The following RALGDS variants were observed in gnomAD, a reference collection of about 807,000 sequenced individuals.
RALGDS encodes the protein ral guanine nucleotide dissociation stimulator, also known as ral guanine nucleotide exchange factor.
Under a neutral mutation model 99.8 loss-of-function variants are expected in RALGDS, and 44 were observed. The ratio of observed to expected loss-of-function variants is 0.44; its 90% confidence interval spans 0.35 to 0.57. RALGDS has a LOEUF of 0.57. RALGDS is among the 20% of genes least tolerant of loss of function. RALGDS has a pLI of 0.01. For synonymous variants in RALGDS, 529 were observed against 505.0 expected, an observed-to-expected ratio of 1.05 and a Z score of -0.64; for missense variants, 1,022 against 1,203.1, an observed-to-expected ratio of 0.85 and a Z score of 2.23.
chr9:133,143,771 T>TAATAATAATAATAATAACAAC (rs1554745676), intron 1 of RALGDS, among the ~76,000 whole-genome samples: 1 of 111,624 alleles, frequency 9.0e-6, no homozygotes, highest in Admixed American at 9.7e-5. Context: ...ATAATAATAA[T>TAATAATAATAATAATAACAAC]AACAACAACA....
chr9:133,148,888 C>A, intron 1 of RALGDS: 1 of 1,545,512 alleles, frequency 6.5e-7, no homozygotes, highest in Non-Finnish European at 8.8e-7. Flanking sequence ...GGCTCCCTCC[C>A]CCCGGTGGGT....
At chr9:133,130,779 G>T (rs1004466334) in intron 1 of RALGDS, among the ~76,000 whole-genome samples, 1 of 152,214 alleles carries the variant, frequency 6.6e-6, no homozygotes, top group African/African-American at 2.4e-5. Context: ...GCCCCAGAGA[G>T]AGCAGGGACT....
intron 1 of RALGDS, among the ~76,000 whole-genome samples, chr9:133,112,846 G>A (rs1831418483): frequency 6.6e-6 from 1 of 152,180 alleles, no homozygotes; most frequent in African/African-American, 2.4e-5. Flanking sequence ...TTGGGCAATG[G>A]GAGTTCCCAG....
At chr9:133,098,881 A>C in intron 17 of RALGDS, 119 bp from the exon 18 acceptor site, 1 of 969,058 alleles carries the variant, frequency 1.0e-6, no homozygotes, top group Non-Finnish European at 1.6e-6. Flanking sequence ...ATCCCCTCCA[A>C]TACAGCTCCA....
rs964218118 is a variant in RALGDS, at chr9:133,120,944, C to T, written c.183+28G>A. 22 of 1,473,398 alleles carry T rather than the reference C, an allele frequency of 1.5e-5. No homozygotes were observed. The African/African-American group carries it at 1.9e-4, about 13-fold the overall frequency. The allele number at this position is 1,473,398 out of a possible 1,614,324, so 91.3% of individuals were successfully genotyped here. On this transcript the variant is annotated intron_variant, in intron 1 of 17. Transcript: ENST00000372050. ...GCGGGTGGGGAGGCTCCGACGCACC[C>T]CCCGCCCGACCGCCCCAGCTCACCC...
intron 1 of RALGDS, among the ~76,000 whole-genome samples, chr9:133,113,557 A>G (rs1345118930): frequency 6.6e-6 from 1 of 151,770 alleles, no homozygotes; most frequent in African/African-American, 2.4e-5. Context: ...TCACACCCAC[A>G]CCCCACAAAC....
rs559373206 is a variant in RALGDS, at chr9:133,100,392, G to A, written c.2455-10C>T. 12 of 1,613,806 alleles carry A rather than the reference G, an allele frequency of 7.4e-6. No individual in the cohort carries two copies. Among genetic ancestry groups the A allele is most frequent in the East Asian group, 4.5e-5 (2 of 44,882 alleles). ...TATCTTGGCTGGTCACCTGCATCGCGGCGGGGGATGGACCATCAGGGAAAA... is the reference window on the plus strand; with the variant it reads ...TATCTTGGCTGGTCACCTGCATCGCAGCGGGGGATGGACCATCAGGGAAAA... On this transcript the variant is annotated splice_polypyrimidine_tract_variant and intron_variant, in intron 16 of 17. Transcript: ENST00000372050.
In RALGDS at chr9:133,100,346, T is replaced by C. The variant is rs750286167; in HGVS notation, c.2491A>G (p.Lys831Glu). ...SQDKAPAVIR[K>E]AMDKHNLEEE... ...TCCAGGTTGTGTTTGTCCATGGCCT[T>C]GCGGATTACAGCCGGAGCCTTATCT... Residue 831 changes from lysine (K) to glutamate (E), a missense_variant, in exon 17 of 18, where the codon AAG becomes GAG. Transcript: ENST00000372050. 1 of 1,614,200 alleles carries C rather than the reference T, an allele frequency of 6.2e-7. No individual in the cohort carries two copies. The highest frequency in any genetic ancestry group is 1.1e-5 in the South Asian group (1 of 91,088).
At chr9:133,148,928 C>T (rs751804332) in intron 1 of RALGDS, 8 of 1,599,646 alleles carry the variant, frequency 5.0e-6, no homozygotes, top group South Asian at 4.5e-5. Flanking sequence ...CCTCCCTCCA[C>T]CCGCGACGCG....
chr9:133,119,834 C>T (rs747532354), intron 1 of RALGDS, among the ~76,000 whole-genome samples: 3 of 152,192 alleles, frequency 2.0e-5, no homozygotes, highest in Non-Finnish European at 4.4e-5. Context: ...CTCTGCCCAA[C>T]ACTGGGCGGA....
chr9:133,139,280 C>A (rs1832479397), intron 1 of RALGDS, among the ~76,000 whole-genome samples: 1 of 152,254 alleles, frequency 6.6e-6, no homozygotes, highest in African/African-American at 2.4e-5. Context: ...AGACAGCAAT[C>A]TCCTCAGGGC....
upstream of RALGDS, among the ~76,000 whole-genome samples, chr9:133,123,421 G>A (rs144319390): frequency 9.2e-5 from 14 of 152,296 alleles, no homozygotes; most frequent in East Asian, 1.9e-3. Flanking sequence ...GTGCTGGGGC[G>A]AGGGGTGGCC....
At chr9:133,102,592 G>A (rs1410157399) in intron 13 of RALGDS, 21 bp from the exon 14 acceptor site, 1 of 1,612,274 alleles carries the variant, frequency 6.2e-7, no homozygotes, top group African/African-American at 1.3e-5. Context: ...AGGGGCAGTG[G>A]TGTGACAACC....
At chr9:133,139,343 G>A (rs189183249) in intron 1 of RALGDS, among the ~76,000 whole-genome samples, 1 of 152,348 alleles carries the variant, frequency 6.6e-6, no homozygotes, top group Admixed American at 6.5e-5. Context: ...GACCCCAGAA[G>A]CTGGGAAGGA....
chr9:133,114,213 G>A (rs1309870546), intron 1 of RALGDS, among the ~76,000 whole-genome samples: 1 of 152,220 alleles, frequency 6.6e-6, no homozygotes, highest in Non-Finnish European at 1.5e-5. Context: ...CATGCTTGGG[G>A]TAAGGGAGTT....
chr9:133,148,978 C>G (rs1201139239), exon 1 of RALGDS: 1 of 1,596,758 alleles, frequency 6.3e-7, no homozygotes, highest in Non-Finnish European at 8.5e-7. Context: ...AATCTACCAT[C>G]ATCCTCAGCC....
rs1304076618 is a variant in RALGDS at position 133,097,822 on chromosome 9, TTC to T, written c.*763_*764del. The T allele has an allele frequency of 8.8e-6, 2 of 226,936 alleles. No homozygotes were observed. The highest frequency in any genetic ancestry group is 5.7e-5 in the Admixed American group (1 of 17,550). 14.1% of individuals were successfully genotyped at this position (226,936 alleles called of 1,614,324 possible). ...CAATCAGTAAACAAACATTTTTTTT[TTC>T]TTTTTGCTTTTTATACAAATATTCA... is the stretch of plus-strand genomic sequence containing the variant. On this transcript the variant is annotated 3_prime_UTR_variant, in exon 18 of 18. Transcript: ENST00000372050.
intron 1 of RALGDS, among the ~76,000 whole-genome samples, chr9:133,143,312 G>T (rs1343339392): frequency 6.6e-6 from 1 of 152,190 alleles, no homozygotes; most frequent in East Asian, 1.9e-4. Context: ...GGCACCCAGC[G>T]CCAGCCAGGT....
chr9:133,101,854 C>T, intron 15 of RALGDS, 84 bp downstream of exon 15: 9 of 1,551,628 alleles, frequency 5.8e-6, no homozygotes, highest in Non-Finnish European at 7.8e-6. Flanking sequence ...AAGCTGTGTT[C>T]AGGATCCAGG....
Sources: gnomAD v4.1 joint callset for allele counts (sites outside exome capture counted in the v4.1 genomes callset) on GRCh38, gnomAD v4.1.1 for gene constraint, MANE v1.5 for transcripts, NCBI Gene and HGNC (gene_info 2026-07-23, HGNC 2026-07-21) for gene names.